TRIM14: variants seen among roughly 807,000 people sequenced by gnomAD.
TRIM14 encodes the protein tripartite motif containing 14, also known as tripartite motif-containing protein 14.
TRIM14 carries 28 observed loss-of-function variants against 44.5 expected under a neutral mutation model. That is an observed-to-expected ratio of 0.63 (90% CI 0.47 to 0.86). The LOEUF is 0.86. Ranked by LOEUF, TRIM14 falls within the 40% of genes least tolerant of loss-of-function variation. The pLI, the probability that TRIM14 is intolerant of heterozygous loss-of-function variation, is 0.00. For synonymous variants in TRIM14, 299 were observed against 269.2 expected, an observed-to-expected ratio of 1.11 and a Z score of -1.08; for missense variants, 607 against 611.1, an observed-to-expected ratio of 0.99 and a Z score of 0.07.
chr9:98,047,791 C>T, the TRIM14 span, among the ~76,000 whole-genome samples: 7 of 152,038 alleles, frequency 4.6e-5, no homozygotes, highest in South Asian at 2.1e-4. Flanking sequence ...ATGAGCCGGG[C>T]GTGGTTCCTC....
intron 2 of TRIM14, among the ~76,000 whole-genome samples, chr9:98,104,172 T>C (rs1234430485): frequency 6.6e-6 from 1 of 152,242 alleles, no homozygotes; most frequent in East Asian, 1.9e-4. Flanking sequence ...CACATTTTTA[T>C]GGTTGCAATG....
chr9:98,110,685 C>CAGAA (rs1013350183), intron 1 of TRIM14, among the ~76,000 whole-genome samples: 2 of 151,748 alleles, frequency 1.3e-5, no homozygotes, highest in African/African-American at 4.8e-5. Flanking sequence ...AGGGTGTGAC[C>CAGAA]AGAAGTGTTT....
chr9:98,056,505 A>G, the TRIM14 span, among the ~76,000 whole-genome samples: 1 of 152,092 alleles, frequency 6.6e-6, no homozygotes, highest in African/African-American at 2.4e-5. Flanking sequence ...ACGCACGGAT[A>G]CCGCGATGGT....
At chr9:98,044,340 C>T in the TRIM14 span, among the ~76,000 whole-genome samples, 1 of 150,034 alleles carries the variant, frequency 6.7e-6, no homozygotes, top group Non-Finnish European at 1.5e-5. Flanking sequence ...GGGCGCCTTT[C>T]AGCTAGCAAG....
chr9:98,097,977 A>C (rs2118405482), intron 3 of TRIM14, among the ~76,000 whole-genome samples: 1 of 152,368 alleles, frequency 6.6e-6, no homozygotes, highest in South Asian at 2.1e-4. Context: ...AATGAGACAC[A>C]GGCTGAACCG....
intron 4 of TRIM14, among the ~76,000 whole-genome samples, chr9:98,094,115 C>T (rs956205238): frequency 6.6e-6 from 1 of 152,166 alleles, no homozygotes; most frequent in Admixed American, 6.5e-5. Flanking sequence ...TCTTCCCCTA[C>T]GAAGACTGTG....
downstream of TRIM14, among the ~76,000 whole-genome samples, chr9:98,065,126 A>G (rs1388289320): frequency 6.6e-6 from 1 of 152,164 alleles, no homozygotes; most frequent in Non-Finnish European, 1.5e-5. Context: ...GTAAGTATCA[A>G]CAACAGAACC....
downstream of TRIM14, chr9:98,083,049 G>A (rs1391539006): frequency 1.9e-6 from 3 of 1,613,878 alleles, no homozygotes; most frequent in Non-Finnish European, 1.7e-6. Context: ...AAAAAATCAA[G>A]TCTTAAAAAT....
At chr9:98,060,288 C>T in the TRIM14 span, among the ~76,000 whole-genome samples, 2 of 152,150 alleles carry the variant, frequency 1.3e-5, no homozygotes, top group Admixed American at 6.5e-5. Flanking sequence ...TCCAAACAAC[C>T]TTTTCTTCCT....
chr9:98,116,621 G>C lies in TRIM14; in HGVS notation c.207+2361C>G, dbSNP rs561461063. 3.2e-3 allele frequency among the ~76,000 whole-genome samples: 493 copies of C among 151,914 alleles called. 1 individual carries two copies. The highest frequency in any genetic ancestry group is 5.3e-3 in the Non-Finnish European group (359 of 67,968). ...GAAGGCTGAGGCAAGAGGATCACTT[G>C]AGCCCAGGAATTCTAGACCAGCCTG... On this transcript the variant is annotated intron_variant, in intron 1 of 5. Coordinates refer to ENST00000341469, the MANE Select transcript of TRIM14 (RefSeq NM_014788.4).
the TRIM14 span, among the ~76,000 whole-genome samples, chr9:98,038,965 G>A: frequency 4.6e-5 from 7 of 151,960 alleles, no homozygotes; most frequent in African/African-American, 1.4e-4. Context: ...CAGGAGAATC[G>A]CTTGAACCCA....
In TRIM14 at chr9:98,095,695, G is replaced by A. The variant is rs1826162615; in HGVS notation, c.538-666C>T. On this transcript the variant is annotated intron_variant, in intron 3 of 5. Coordinates refer to ENST00000341469, the MANE Select transcript of TRIM14 (RefSeq NM_014788.4). This position sits in a 1 kb window ranked among gnomAD's most constrained non-coding sequence, Gnocchi z 4.1. ...CCCTTTGCACCTGTGCTGCAGGAGT[G>A]TGACCAGACGCCTCCAAGCCAAAGC... Among the ~76,000 whole-genome samples, 1 of 152,210 alleles carries A rather than the reference G, an allele frequency of 6.6e-6. No individual in the cohort carries two copies. The highest frequency in any genetic ancestry group is 2.4e-5 in the African/African-American group (1 of 41,464).
intron 2 of TRIM14, among the ~76,000 whole-genome samples, chr9:98,101,267 G>A (rs1826379581): frequency 6.6e-6 from 1 of 151,944 alleles, no homozygotes; most frequent in Non-Finnish European, 1.5e-5. Context: ...GAGACACCAT[G>A]CCCAGCCCAG....
chr9:98,037,249 G>A, the TRIM14 span, among the ~76,000 whole-genome samples: 1 of 152,020 alleles, frequency 6.6e-6, no homozygotes, highest in Non-Finnish European at 1.5e-5. Flanking sequence ...GTGGTGGCAG[G>A]CACCTGTAAT....
At chr9:98,052,466 TA>T in the TRIM14 span, among the ~76,000 whole-genome samples, 1 of 151,700 alleles carries the variant, frequency 6.6e-6, no homozygotes, top group African/African-American at 2.4e-5. Context: ...AAGCTGATTT[TA>T]ACCATATAGC....
downstream of TRIM14, chr9:98,081,328 T>G (rs1182302819): frequency 1.8e-6 from 1 of 544,448 alleles, no homozygotes; most frequent in Non-Finnish European, 3.2e-6. Flanking sequence ...TAGGGTCACA[T>G]TAGAGTCTTC....
At chr9:98,056,967 G>A in the TRIM14 span, 1 of 1,551,814 alleles carries the variant, frequency 6.4e-7, no homozygotes, top group Non-Finnish European at 8.7e-7. Context: ...CGGGACCCGG[G>A]ATTCGGGCGC....
chr9:98,052,652 C>T, the TRIM14 span, among the ~76,000 whole-genome samples: 4 of 152,308 alleles, frequency 2.6e-5, no homozygotes, highest in East Asian at 1.9e-4. Flanking sequence ...GGATTACAGG[C>T]GTGTGCCACC....
At chr9:98,096,114 G>A (rs143345974) in intron 3 of TRIM14, among the ~76,000 whole-genome samples, 10 of 152,296 alleles carry the variant, frequency 6.6e-5, no homozygotes, top group East Asian at 3.9e-4. Context: ...CTGCCCACCC[G>A]AGAAGGGGTG....
Sources: gnomAD v4.1 joint callset for allele counts (sites outside exome capture counted in the v4.1 genomes callset) on GRCh38, gnomAD v4.1.1 for gene constraint, Gnocchi (gnomAD v3.1) non-coding constraint, MANE v1.5 for transcripts, NCBI Gene and HGNC (gene_info 2026-07-23, HGNC 2026-07-21) for gene names.